The following NR3C2 variants were observed in gnomAD, a reference collection of about 807,000 sequenced individuals.
NR3C2 encodes mineralocorticoid receptor.
NR3C2 carries 15 observed loss-of-function variants against 86.4 expected under a neutral mutation model. That is an observed-to-expected ratio of 0.17 (90% CI 0.12 to 0.27). NR3C2 has a LOEUF of 0.27. NR3C2 is among the 10% of genes least tolerant of loss of function. NR3C2 has a pLI of 1.00. For synonymous variants in NR3C2, 458 were observed against 450.5 expected, an observed-to-expected ratio of 1.02 and a Z score of -0.21; for missense variants, 960 against 1,195.6, an observed-to-expected ratio of 0.80 and a Z score of 2.91.
At chr4:148,167,554 A>T (rs1273192319) in intron 4 of NR3C2, among the ~76,000 whole-genome samples, 1 of 152,170 alleles carries the variant, frequency 6.6e-6, no homozygotes, top group Admixed American at 6.5e-5. Context: ...GCCCAACATG[A>T]TATACTCTAT....
intron 2 of NR3C2, among the ~76,000 whole-genome samples, chr4:148,299,346 G>A (rs1157454497): frequency 6.6e-6 from 1 of 152,158 alleles, no homozygotes; most frequent in East Asian, 1.9e-4. Context: ...TCTGAGGGTA[G>A]AGGAAACTGC....
At position 148,081,157 on chromosome 4, in the gene NR3C2, T is replaced by C. The variant is rs970574787; in HGVS notation, c.*187A>G. On this transcript the variant is annotated 3_prime_UTR_variant, in exon 9 of 9. Transcript: ENST00000358102. ...AGGTGGGGAATCCTTCAGACTGCTC[T>C]GGTCTCGCCAAATCCACGGAAAAAC... The C allele has an allele frequency of 6.8e-6, 5 of 729,966 alleles. No homozygotes were observed. The African/African-American group carries it at 7.0e-5, about 10-fold the overall frequency. The allele number at this position is 729,966 out of a possible 1,614,324, so 45.2% of individuals were successfully genotyped here. A position where few individuals can be genotyped will look rare whatever the true frequency, so the allele number is the denominator to read the frequency against.
intron 1 of NR3C2, among the ~76,000 whole-genome samples, chr4:148,439,111 A>G (rs1026368546): frequency 6.6e-6 from 1 of 152,228 alleles, no homozygotes; most frequent in Non-Finnish European, 1.5e-5. Flanking sequence ...ATAGAAAACT[A>G]AACTAAAAAA....
rs533768098 is a variant in NR3C2, at chr4:148,319,033, A to C, written c.1758-58916T>G. 4.0e-3 allele frequency among the ~76,000 whole-genome samples: 603 copies of C among 151,622 alleles called. 5 individuals are homozygous for C. The highest frequency in any genetic ancestry group is 0.014 in the Middle Eastern group (4 of 294). On this transcript the variant is annotated intron_variant, in intron 2 of 8. Coordinates refer to ENST00000358102, the MANE Select transcript of NR3C2 (RefSeq NM_000901.5). ...AGGTCTAACGTTTAAGTCTTTAATCAATCTTGAATTGATTTTTGTATAAGG... is the reference window on the plus strand; with the variant it reads ...AGGTCTAACGTTTAAGTCTTTAATCCATCTTGAATTGATTTTTGTATAAGG...
In NR3C2 at chr4:148,171,789, T is replaced by G. The variant is rs905191273; in HGVS notation, c.2015-16888A>C. 5.3e-5 allele frequency among the ~76,000 whole-genome samples: 8 copies of G among 152,316 alleles called. No homozygotes were observed. The East Asian group carries it at 1.5e-3, about 29-fold the overall frequency. On this transcript the variant is annotated intron_variant, in intron 4 of 8. Coordinates refer to ENST00000358102, the MANE Select transcript of NR3C2 (RefSeq NM_000901.5). ...TTTCCCAGAGGTGGAGCTACACCACTGTCTTTGTGTTCACGGTCTTAAACA... is the reference window on the plus strand; with the variant it reads ...TTTCCCAGAGGTGGAGCTACACCACGGTCTTTGTGTTCACGGTCTTAAACA...
intron 2 of NR3C2, among the ~76,000 whole-genome samples, chr4:148,281,495 A>T (rs992221472): frequency 1.3e-5 from 2 of 152,220 alleles, no homozygotes; most frequent in Non-Finnish European, 2.9e-5. Flanking sequence ...TCCTTCACAA[A>T]TTTAGCAAAT....
intron 2 of NR3C2, among the ~76,000 whole-genome samples, chr4:148,416,161 T>C (rs1748985944): frequency 6.6e-6 from 1 of 152,218 alleles, no homozygotes; most frequent in Non-Finnish European, 1.5e-5. Flanking sequence ...TAATCGCCAA[T>C]TCACTGGGAA....
At chr4:148,379,880 T>C (rs1245943748) in intron 2 of NR3C2, among the ~76,000 whole-genome samples, 2 of 152,102 alleles carry the variant, frequency 1.3e-5, no homozygotes, top group African/African-American at 4.8e-5. Flanking sequence ...CACTTTAATA[T>C]CAACTAATCC....
intron 3 of NR3C2, among the ~76,000 whole-genome samples, chr4:148,255,240 A>G (rs1739775504): frequency 6.6e-6 from 1 of 152,236 alleles, no homozygotes; most frequent in Non-Finnish European, 1.5e-5. Context: ...TAAAGAACCA[A>G]AGAAAACTAA....
rs557740395 is a variant in NR3C2, at chr4:148,332,076, A to C, written c.1758-71959T>G. Reference sequence around the variant, plus strand: ...TAAAGATACTTACAAACTTGAAAATAGTATTAATACAAAATATCTTTATAA... The same window carrying C: ...TAAAGATACTTACAAACTTGAAAATCGTATTAATACAAAATATCTTTATAA... On this transcript the variant is annotated intron_variant, in intron 2 of 8. Coordinates refer to ENST00000358102, the MANE Select transcript of NR3C2 (RefSeq NM_000901.5). Among the ~76,000 whole-genome samples the C allele has an allele frequency of 2.0e-5, 3 of 152,348 alleles. No individual in the cohort carries two copies. The East Asian group carries it at 5.8e-4, about 29-fold the overall frequency.
At chr4:148,354,058 G>A (rs1026712616) in intron 2 of NR3C2, among the ~76,000 whole-genome samples, 11 of 151,978 alleles carry the variant, frequency 7.2e-5, no homozygotes, top group Admixed American at 1.3e-4. Context: ...CTTTAACAAT[G>A]GGTTGGAACT....
chr4:148,396,143 T>C lies in NR3C2; in HGVS notation c.1757+38961A>G, dbSNP rs538702431. Among the ~76,000 whole-genome samples, 93 of 152,306 alleles carry C rather than the reference T, an allele frequency of 6.1e-4. 2 individuals carry two copies. The South Asian group carries it at 0.018, about 30-fold the overall frequency. On this transcript the variant is annotated intron_variant, in intron 2 of 8. Coordinates refer to ENST00000358102, the MANE Select transcript of NR3C2 (RefSeq NM_000901.5). ...ATTCCAAATGTCTAAAACAAAATAGTCTTGAATTTTAAGCAAATGCTCAGC... is the reference window on the plus strand; with the variant it reads ...ATTCCAAATGTCTAAAACAAAATAGCCTTGAATTTTAAGCAAATGCTCAGC...
At chr4:148,090,517 C>T (rs959656162) in intron 8 of NR3C2, among the ~76,000 whole-genome samples, 5 of 152,196 alleles carry the variant, frequency 3.3e-5, no homozygotes, top group African/African-American at 7.2e-5. Flanking sequence ...ACAAGTAAGT[C>T]GACCCTTGAA....
In NR3C2 at chr4:148,436,508, G is replaced by A. The variant is rs990123773; in HGVS notation, c.353C>T (p.Ser118Phe). ...TCCTTGTTGGTTCTGCTGCTCATAG[G>A]AATAGTCAGCATCTCTTACAGAATC... ...YMDSVRDADY[S>F]YEQQNQQGSM... The change falls in exon 2 of 9, where the codon TCC becomes TTC. Residue 118 changes from serine (S) to phenylalanine (F), a missense_variant. Ser to Phe is a radical substitution (Grantham distance 155, BLOSUM62 -2). This residue lies in a region of NR3C2 where 680 missense variants were observed against 719.0 expected (regional missense o/e 0.95). Coordinates refer to ENST00000358102, the MANE Select transcript of NR3C2 (RefSeq NM_000901.5). 6.2e-7 allele frequency: 1 copy of A among 1,614,124 alleles called. No homozygotes were observed. Among genetic ancestry groups the A allele is most frequent in the Non-Finnish European group, 8.5e-7 (1 of 1,180,004 alleles).
intron 2 of NR3C2, among the ~76,000 whole-genome samples, chr4:148,417,958 C>G (rs1167939812): frequency 6.6e-6 from 1 of 152,094 alleles, no homozygotes. Flanking sequence ...CTCAGGCTTT[C>G]CTCTAAAGCA....
intron 2 of NR3C2, among the ~76,000 whole-genome samples, chr4:148,348,340 C>T (rs1745103078): frequency 6.6e-6 from 1 of 152,084 alleles, no homozygotes; most frequent in Non-Finnish European, 1.5e-5. Context: ...TGATTTATGT[C>T]CAATTCACCT....
In NR3C2 at chr4:148,162,340, G is replaced by A. The variant is rs540928692; in HGVS notation, c.2015-7439C>T. On this transcript the variant is annotated intron_variant, in intron 4 of 8. Transcript: ENST00000358102. ...AGATGGTGAGCATGATTACTTTCATGGCATTTGTATTTTCTGTAGCTATAT... is the reference window on the plus strand; with the variant it reads ...AGATGGTGAGCATGATTACTTTCATAGCATTTGTATTTTCTGTAGCTATAT... Among the ~76,000 whole-genome samples the A allele has an allele frequency of 6.6e-5, 10 of 152,214 alleles. No individual in the cohort carries two copies. The South Asian group carries it at 2.1e-3, about 32-fold the overall frequency.
chr4:148,368,779 G>T (rs751750050), intron 2 of NR3C2, among the ~76,000 whole-genome samples: 11 of 152,160 alleles, frequency 7.2e-5, no homozygotes, highest in Non-Finnish European at 1.6e-4. Flanking sequence ...GTATTTATGA[G>T]ATACCCACAG....
At chr4:148,117,182 G>A (rs1377346781) in intron 7 of NR3C2, among the ~76,000 whole-genome samples, 2 of 152,180 alleles carry the variant, frequency 1.3e-5, no homozygotes, top group African/African-American at 2.4e-5. Flanking sequence ...GGTGGGGCCT[G>A]TGGCAAACTA....
Sources: allele counts gnomAD v4.1 joint callset (sites outside exome capture counted in the v4.1 genomes callset), GRCh38; gene constraint gnomAD v4.1.1; regional missense constraint gnomAD v4.1.1; transcripts MANE v1.5; gene names NCBI Gene and HGNC (gene_info 2026-07-23, HGNC 2026-07-21).